The following ENTREP2 variants were observed in gnomAD, a reference collection of about 807,000 sequenced individuals.
The protein encoded by ENTREP2 is endosomal transmembrane epsin interactor 2.
At chr15:29,521,781 C>T in the ENTREP2 span, among the ~76,000 whole-genome samples, 1 of 152,282 alleles carries the variant, frequency 6.6e-6, no homozygotes, top group East Asian at 1.9e-4. Flanking sequence ...GGGGAATTGA[C>T]ACTAGTTGGC....
At chr15:29,648,366 C>G in the ENTREP2 span, among the ~76,000 whole-genome samples, 65 of 152,300 alleles carry the variant, frequency 4.3e-4, no homozygotes, top group African/African-American at 1.4e-3. Flanking sequence ...GTCCATACTA[C>G]TGACAAGCAA....
chr15:29,636,158 C>T, the ENTREP2 span, among the ~76,000 whole-genome samples: 1 of 152,234 alleles, frequency 6.6e-6, no homozygotes, highest in Admixed American at 6.5e-5. Flanking sequence ...GCAACTCTCA[C>T]CAAAGCTGTA....
At chr15:29,334,065 C>T in the ENTREP2 span, among the ~76,000 whole-genome samples, 102 of 152,320 alleles carry the variant, frequency 6.7e-4, no homozygotes, top group African/African-American at 2.4e-3. Context: ...ACCTTGATCT[C>T]TGCTTTCCAG....
the ENTREP2 span, among the ~76,000 whole-genome samples, chr15:29,674,525 C>T: frequency 6.6e-6 from 1 of 152,160 alleles, no homozygotes; most frequent in Non-Finnish European, 1.5e-5. Context: ...GCCTCGGCCT[C>T]CCAAAGTGCC....
the ENTREP2 span, chr15:29,124,716 G>A: frequency 1.3e-5 from 20 of 1,550,518 alleles, no homozygotes; most frequent in South Asian, 1.8e-4. Flanking sequence ...AGACAGTCCC[G>A]CTTCCAGGTC....
chr15:29,444,174 GAAAGAAAGAA>G, the ENTREP2 span, among the ~76,000 whole-genome samples: 231 of 29,722 alleles, frequency 7.8e-3, 6 homozygotes, highest in African/African-American at 0.026. Context: ...GACAGACAAA[GAAAGAAAGAA>G]AGAAAGAAAG....
At chr15:29,282,233 G>C in the ENTREP2 span, among the ~76,000 whole-genome samples, 4 of 152,126 alleles carry the variant, frequency 2.6e-5, no homozygotes, top group African/African-American at 9.7e-5. Context: ...TCATGCTGAT[G>C]AGTAAGTCTC....
At chr15:29,374,184 G>A in the ENTREP2 span, 2 of 152,046 alleles carry the variant, frequency 1.3e-5, no homozygotes, top group African/African-American at 4.8e-5. Context: ...GAAAAAATAT[G>A]TACAAGCAAT....
the ENTREP2 span, among the ~76,000 whole-genome samples, chr15:29,359,837 C>T: frequency 3.9e-5 from 6 of 152,160 alleles, no homozygotes; most frequent in Non-Finnish European, 8.8e-5. Context: ...AAACATAGAT[C>T]TACAGCAATT....
At chr15:29,305,136 T>C in the ENTREP2 span, among the ~76,000 whole-genome samples, 1 of 152,206 alleles carries the variant, frequency 6.6e-6, no homozygotes, top group Non-Finnish European at 1.5e-5. Context: ...GTGTTAATAG[T>C]TGAAAAGCAC....
the ENTREP2 span, among the ~76,000 whole-genome samples, chr15:29,441,846 G>A: frequency 2.6e-5 from 4 of 152,138 alleles, no homozygotes; most frequent in Middle Eastern, 3.4e-3. Context: ...GTGAGCTCAC[G>A]CACTTTCATA....
chr15:29,654,625 C>G, the ENTREP2 span, among the ~76,000 whole-genome samples: 2 of 152,250 alleles, frequency 1.3e-5, no homozygotes, highest in African/African-American at 4.8e-5. Flanking sequence ...TGGTGAGATC[C>G]ATATCTCTAT....
the ENTREP2 span, among the ~76,000 whole-genome samples, chr15:29,356,596 C>T: frequency 2.0e-5 from 3 of 151,634 alleles, no homozygotes; most frequent in Middle Eastern, 3.2e-3. Context: ...TGAGCCACCG[C>T]GCCTGGCCTG....
chr15:29,476,298 G>A, the ENTREP2 span, among the ~76,000 whole-genome samples: 1 of 152,166 alleles, frequency 6.6e-6, no homozygotes, highest in East Asian at 1.9e-4. Context: ...CCATAAAGTT[G>A]ACCACCTGCC....
the ENTREP2 span, among the ~76,000 whole-genome samples, chr15:29,295,258 C>T: frequency 0.5 from 75,540 of 152,120 alleles, 22,213 homozygotes; most frequent in Non-Finnish European, 0.67. Flanking sequence ...TCAGCACTGA[C>T]GACGATGGGC....
chr15:29,525,182 A>G, the ENTREP2 span, among the ~76,000 whole-genome samples: 2 of 152,228 alleles, frequency 1.3e-5, no homozygotes, highest in African/African-American at 4.8e-5. Flanking sequence ...GACACTTTAG[A>G]AAACAATTTG....
chr15:29,334,898 G>A, the ENTREP2 span, among the ~76,000 whole-genome samples: 694 of 152,290 alleles, frequency 4.6e-3, 5 homozygotes, highest in African/African-American at 0.016. Flanking sequence ...AGACAGAAAG[G>A]TGTCTGGCCA....
At chr15:29,129,531 G>A in the ENTREP2 span, among the ~76,000 whole-genome samples, 19 of 152,160 alleles carry the variant, frequency 1.2e-4, no homozygotes, top group Admixed American at 2.0e-4. Flanking sequence ...GGCCCAGGCT[G>A]GAGTCCAGTG....
chr15:29,318,632 G>A, the ENTREP2 span, among the ~76,000 whole-genome samples: 1 of 152,104 alleles, frequency 6.6e-6, no homozygotes, highest in African/African-American at 2.4e-5. Flanking sequence ...ATTAAGGTAT[G>A]TACACTTTTT....
Sources: gnomAD v4.1 joint callset for allele counts (sites outside exome capture counted in the v4.1 genomes callset) on GRCh38, gnomAD v4.1.1 for gene constraint, MANE v1.5 for transcripts, NCBI Gene and HGNC (gene_info 2026-07-23, HGNC 2026-07-21) for gene names.